Variants in ARHGAP24 observed in about 807,000 individuals in gnomAD.
ARHGAP24 encodes Rho GTPase activating protein 24, also known as rho GTPase-activating protein 24.
ARHGAP24 carries 50 observed loss-of-function variants against 76.4 expected under a neutral mutation model. That is an observed-to-expected ratio of 0.65 (90% CI 0.52 to 0.83). ARHGAP24 has a LOEUF of 0.83. Ranked by LOEUF, ARHGAP24 falls within the 40% of genes least tolerant of loss-of-function variation. The probability of loss-of-function intolerance (pLI) is 0.00; values close to 1 mark genes in which losing one functional copy is unlikely to be tolerated. For missense variants in ARHGAP24, 930 were observed against 914.2 expected (o/e 1.02, Z -0.22); for synonymous variants, 345 against 323.3 (o/e 1.07, Z -0.72).
chr4:85,985,959 A>G (rs934729890), intron 8 of ARHGAP24, among the ~76,000 whole-genome samples: 1 of 152,186 alleles, frequency 6.6e-6, no homozygotes, highest in Non-Finnish European at 1.5e-5. Context: ...TGAACCTTAC[A>G]TATTTACTAA....
chr4:86,001,214 C>A lies in ARHGAP24; in HGVS notation c.*492C>A. Reference sequence around the variant, plus strand: ...ATATAAATATATGAGTTATTAAAATCAGAAGAATACTTTGTGGCTGTGCTG... The same window carrying A: ...ATATAAATATATGAGTTATTAAAATAAGAAGAATACTTTGTGGCTGTGCTG... On this transcript the variant is annotated 3_prime_UTR_variant, in exon 10 of 10. Transcript: ENST00000395184. 1 of 398,548 alleles carries A rather than the reference C, an allele frequency of 2.5e-6. No homozygotes were observed. The highest frequency in any genetic ancestry group is 1.3e-4 in the South Asian group (1 of 7,830). 24.7% of individuals were successfully genotyped at this position (398,548 alleles called of 1,614,324 possible). A position where few individuals can be genotyped will look rare whatever the true frequency, so the allele number is the denominator to read the frequency against.
chr4:85,636,555 T>C (rs1721313888), intron 2 of ARHGAP24, among the ~76,000 whole-genome samples: 1 of 150,962 alleles, frequency 6.6e-6, no homozygotes, highest in Admixed American at 6.6e-5. Flanking sequence ...TTGGGAATAT[T>C]ACACACACAC....
chr4:85,844,955 T>C (rs548234066), intron 3 of ARHGAP24, among the ~76,000 whole-genome samples: 23 of 152,334 alleles, frequency 1.5e-4, no homozygotes, highest in African/African-American at 5.0e-4. Flanking sequence ...AATGTCATGG[T>C]GCATGGCACC....
chr4:85,718,066 A>G (rs57290707), intron 2 of ARHGAP24, among the ~76,000 whole-genome samples: 1 of 152,128 alleles, frequency 6.6e-6, no homozygotes, highest in Non-Finnish European at 1.5e-5. Flanking sequence ...CATACTTTTT[A>G]ATGACTAATT....
At chr4:85,845,276 T>C (rs1388538775) in intron 3 of ARHGAP24, among the ~76,000 whole-genome samples, 1 of 152,200 alleles carries the variant, frequency 6.6e-6, no homozygotes, top group Non-Finnish European at 1.5e-5. Context: ...ACAAGAATTT[T>C]ATTATGCAGA....
chr4:85,489,002 C>A lies in ARHGAP24; in HGVS notation c.-21+13443C>A, dbSNP rs560243728. ...TACATTTTTAAGCTAATTCCTTCTA[C>A]ATTCCTTGTAATAATATTAATTATG... On this transcript the variant is annotated intron_variant, in intron 1 of 9. Coordinates refer to ENST00000395184, the MANE Select transcript of ARHGAP24 (RefSeq NM_001025616.3). Among the ~76,000 whole-genome samples, 7 of 152,308 alleles carry A rather than the reference C, an allele frequency of 4.6e-5. No homozygotes were observed. In the South Asian group the frequency reaches 1.4e-3, roughly 32 times the overall value.
intron 1 of ARHGAP24, among the ~76,000 whole-genome samples, chr4:85,500,252 G>A (rs1723751899): frequency 6.6e-6 from 1 of 151,988 alleles, no homozygotes; most frequent in African/African-American, 2.4e-5. Flanking sequence ...TATTCCTATG[G>A]GACAGTACTC....
intron 3 of ARHGAP24, among the ~76,000 whole-genome samples, chr4:85,923,249 G>T (rs1335709888): frequency 6.6e-6 from 1 of 152,152 alleles, no homozygotes; most frequent in Non-Finnish European, 1.5e-5. Flanking sequence ...TTCTCAGACT[G>T]TTCCACGCTT....
At chr4:85,993,825 C>T (rs564979046) in intron 8 of ARHGAP24, among the ~76,000 whole-genome samples, 3 of 152,122 alleles carry the variant, frequency 2.0e-5, no homozygotes, top group Non-Finnish European at 2.9e-5. Flanking sequence ...CCTTGCTGCT[C>T]TTACTGAGAT....
At chr4:85,479,372 A>G (rs1722725422) in intron 1 of ARHGAP24, among the ~76,000 whole-genome samples, 1 of 152,148 alleles carries the variant, frequency 6.6e-6, no homozygotes, top group African/African-American at 2.4e-5. Flanking sequence ...ATAGATATAC[A>G]TTTTCCACAA....
intron 2 of ARHGAP24, among the ~76,000 whole-genome samples, chr4:85,713,154 C>G (rs1483260543): frequency 6.6e-6 from 1 of 151,892 alleles, no homozygotes; most frequent in Admixed American, 6.6e-5. Flanking sequence ...AAAAATTAGC[C>G]AGGCGTGGTG....
chr4:85,725,133 G>A (rs1388196767), intron 3 of ARHGAP24, among the ~76,000 whole-genome samples: 1 of 148,114 alleles, frequency 6.8e-6, no homozygotes, highest in Non-Finnish European at 1.5e-5. Flanking sequence ...TAGGAAAGAA[G>A]TTTCTCAGAG....
chr4:85,630,743 T>A (rs1721132036), intron 2 of ARHGAP24, among the ~76,000 whole-genome samples: 1 of 151,964 alleles, frequency 6.6e-6, no homozygotes, highest in African/African-American at 2.4e-5. Flanking sequence ...ATTATTTAAA[T>A]AATAATTTAA....
At chr4:85,915,882 C>T (rs10026288) in intron 3 of ARHGAP24, among the ~76,000 whole-genome samples, 46,832 of 151,972 alleles carry the variant, frequency 0.31, 7,454 homozygotes, top group South Asian at 0.5. Context: ...AGTAAACATA[C>T]GTGTGCATGT....
intron 3 of ARHGAP24, among the ~76,000 whole-genome samples, chr4:85,895,001 C>CAAAAAAA (rs1222078793): frequency 6.6e-4 from 36 of 54,318 alleles, no homozygotes; most frequent in East Asian, 1.4e-3. Context: ...AAACAAAAAG[C>CAAAAAAA]AAAAAAAAAA....
intron 3 of ARHGAP24, among the ~76,000 whole-genome samples, chr4:85,828,330 T>G (rs1729820585): frequency 6.6e-6 from 1 of 152,186 alleles, no homozygotes; most frequent in South Asian, 2.1e-4. Context: ...AAATCTAAAT[T>G]GCTATATTTG....
intron 5 of ARHGAP24, among the ~76,000 whole-genome samples, chr4:85,943,364 C>T (rs539544566): frequency 6.6e-6 from 1 of 152,068 alleles, no homozygotes; most frequent in Non-Finnish European, 1.5e-5. Context: ...CTGGCAAATC[C>T]GTGTCTGATG....
At chr4:85,631,347 C>G (rs1382187287) in intron 2 of ARHGAP24, among the ~76,000 whole-genome samples, 1 of 151,978 alleles carries the variant, frequency 6.6e-6, no homozygotes, top group Admixed American at 6.6e-5. Context: ...ATCTCACTAC[C>G]TTTCCTTTTC....
intron 2 of ARHGAP24, among the ~76,000 whole-genome samples, chr4:85,624,102 G>A (rs188792250): frequency 4.6e-4 from 70 of 152,274 alleles, no homozygotes; most frequent in Non-Finnish European, 7.3e-4. Context: ...TGATTGCCCT[G>A]GTAAGAACTT....
Sources: gnomAD v4.1 joint callset for allele counts (sites outside exome capture counted in the v4.1 genomes callset) on GRCh38, gnomAD v4.1.1 for gene constraint, MANE v1.5 for transcripts, NCBI Gene and HGNC (gene_info 2026-07-23, HGNC 2026-07-21) for gene names.